The following COL5A2 variants were observed in gnomAD, a reference collection of about 807,000 sequenced individuals.
COL5A2 encodes collagen type V alpha 2 chain.
In COL5A2, 23 loss-of-function variants were observed where a neutral mutation model predicts 208.2. That is an observed-to-expected ratio of 0.11 (90% CI 0.08 to 0.16). The LOEUF (loss-of-function observed/expected upper bound fraction) is 0.16, where lower values mean the gene tolerates loss of function less well. Ranked by LOEUF, COL5A2 falls within the 10% of genes least tolerant of loss-of-function variation. The pLI is 1.00. For missense variants in COL5A2, 1,590 were observed against 1,956.4 expected (o/e 0.81, Z 3.53); for synonymous variants, 625 against 628.5 (o/e 0.99, Z 0.08).
chr2:189,258,657 TG>T, the COL5A2 span, among the ~76,000 whole-genome samples: 3 of 152,322 alleles, frequency 2.0e-5, no homozygotes, highest in African/African-American at 7.2e-5. Context: ...TTTGAGTCTG[TG>T]TGGGAGACTT....
intron 13 of COL5A2, among the ~76,000 whole-genome samples, 194 bp downstream of exon 13, chr2:189,080,796 C>T (rs1004690867): frequency 1.3e-5 from 2 of 152,106 alleles, no homozygotes; most frequent in African/African-American, 4.8e-5. Flanking sequence ...AAATATATTT[C>T]TTTATCAAAT....
rs757107924 is a variant in COL5A2 at position 189,110,377 on chromosome 2, G to T, written c.170C>A (p.Ala57Asp). The T allele has an allele frequency of 6.2e-7, 1 of 1,614,128 alleles. No individual in the cohort carries two copies. The highest frequency in any genetic ancestry group is 8.5e-7 in the Non-Finnish European group (1 of 1,179,990). The change falls in exon 2 of 54, where the codon GCC (alanine) becomes GAC (aspartate). Residue 57 changes from alanine (A) to aspartate (D), a missense_variant. Transcript: ENST00000374866. ...GTCACAGACACAGATCTGACAAGGG[G>T]CAGGTTTCCAAATGTCCCTGTTTAA... is the stretch of plus-strand genomic sequence containing the variant. Reference protein sequence around the residue: ...MYLNRDIWKPAPCQICVCDNG... With the variant: ...MYLNRDIWKPDPCQICVCDNG...
chr2:189,127,625 C>T (rs536719854), intron 1 of COL5A2, among the ~76,000 whole-genome samples: 28 of 151,774 alleles, frequency 1.8e-4, no homozygotes, highest in Non-Finnish European at 3.4e-4. Flanking sequence ...GATAATATAC[C>T]CCCTTCCCAA....
intron 7 of COL5A2, among the ~76,000 whole-genome samples, 158 bp downstream of exon 7, chr2:189,092,152 G>T (rs1686802111): frequency 6.6e-6 from 1 of 152,082 alleles, no homozygotes; most frequent in South Asian, 2.1e-4. Flanking sequence ...ATTCCCTGTG[G>T]GTTTATTAGT....
chr2:189,313,340 T>C, the COL5A2 span, among the ~76,000 whole-genome samples: 5 of 152,022 alleles, frequency 3.3e-5, no homozygotes, highest in Non-Finnish European at 5.9e-5. Flanking sequence ...AGGCCAACAT[T>C]CAAATTTCAT....
intron 16 of COL5A2, 55 bp from the exon 17 acceptor site, chr2:189,075,492 TTC>T (rs1297365158): frequency 5.7e-6 from 8 of 1,406,710 alleles, no homozygotes; most frequent in Non-Finnish European, 8.0e-6. Context: ...AGACTATATT[TTC>T]TCTTATTTGC....
At chr2:189,057,067 C>T in intron 34 of COL5A2, 41 bp from the exon 35 acceptor site, 1 of 1,574,884 alleles carries the variant, frequency 6.3e-7, no homozygotes, top group Non-Finnish European at 8.7e-7. Context: ...ATTTAATTGT[C>T]TCTTTCCCAC....
At chr2:189,097,447 A>G (rs778031376) in intron 5 of COL5A2, 117 bp from the exon 6 acceptor site, 2 of 1,025,260 alleles carry the variant, frequency 2.0e-6, no homozygotes, top group Non-Finnish European at 3.0e-6. Flanking sequence ...AATTCAGTTC[A>G]GTTGAAGACT....
chr2:189,390,297 T>A, the COL5A2 span, among the ~76,000 whole-genome samples: 1 of 152,144 alleles, frequency 6.6e-6, no homozygotes, highest in African/African-American at 2.4e-5. Context: ...CAGCAGAACA[T>A]ACCTACATGG....
At chr2:189,225,050 C>T (rs1227839068) in intron 1 of COL5A2, among the ~76,000 whole-genome samples, 2 of 152,192 alleles carry the variant, frequency 1.3e-5, no homozygotes, top group African/African-American at 4.8e-5. Flanking sequence ...ATAAAACTGG[C>T]AAGGAGTTAA....
At chr2:189,251,118 T>TG in the COL5A2 span, among the ~76,000 whole-genome samples, 8 of 152,036 alleles carry the variant, frequency 5.3e-5, no homozygotes, top group Non-Finnish European at 1.0e-4. Context: ...CTCAAATTGA[T>TG]GGGGGGCATG....
chr2:189,219,234 T>C (rs1158188723), intron 1 of COL5A2, among the ~76,000 whole-genome samples: 1 of 152,208 alleles, frequency 6.6e-6, no homozygotes, highest in African/African-American at 2.4e-5. Context: ...TTGTATTTCT[T>C]ACAATTATTG....
the COL5A2 span, among the ~76,000 whole-genome samples, chr2:189,381,018 A>G: frequency 6.6e-6 from 1 of 152,062 alleles, no homozygotes; most frequent in Non-Finnish European, 1.5e-5. Context: ...ATTTAAATGT[A>G]AAGCCAAAAC....
At position 189,064,997 on chromosome 2, in the gene COL5A2, A is replaced by C; in HGVS notation, c.1617+7T>G. ...CGTAAGTATCAACATTGACAGGGCA[A>C]CCTCACCTTTGGCCCAGGTAAACCA... is the stretch of plus-strand genomic sequence containing the variant. On this transcript the variant is annotated splice_region_variant and intron_variant, in intron 24 of 53. Transcript: ENST00000374866. 1 of 1,613,556 alleles carries C rather than the reference A, an allele frequency of 6.2e-7. No individual in the cohort carries two copies. The highest frequency in any genetic ancestry group is 8.5e-7 in the Non-Finnish European group (1 of 1,179,786).
At chr2:189,327,454 C>G in the COL5A2 span, among the ~76,000 whole-genome samples, 2 of 151,834 alleles carry the variant, frequency 1.3e-5, no homozygotes, top group Non-Finnish European at 2.9e-5. Context: ...AGAAAGGGAA[C>G]AAGAACAGAA....
At chr2:189,291,277 G>A in the COL5A2 span, among the ~76,000 whole-genome samples, 5 of 152,008 alleles carry the variant, frequency 3.3e-5, no homozygotes, top group African/African-American at 1.2e-4. Flanking sequence ...CCACTCAATA[G>A]AGAAGGCTGA....
At chr2:189,115,456 G>T (rs1175579373) in intron 1 of COL5A2, among the ~76,000 whole-genome samples, 1 of 151,180 alleles carries the variant, frequency 6.6e-6, no homozygotes, top group African/African-American at 2.4e-5. Flanking sequence ...CCTTGGACTG[G>T]CCAAGAGAGA....
Position 189,215,128 on chromosome 2 carries a change from G to A in COL5A2, c.-42+10020C>T, listed in dbSNP as rs113825970. On this transcript the variant is annotated intron_variant, in intron 1 of 10. Transcript: ENST00000649966. ...ATTCATTCTCTGTTGAGTATTTCAA[G>A]CTACAGTGGAAACAAATCTATACAT... Among the ~76,000 whole-genome samples, 34 of 152,212 alleles carry A rather than the reference G, an allele frequency of 2.2e-4. 1 individual carries two copies. The highest frequency in any genetic ancestry group is 8.2e-4 in the African/African-American group (34 of 41,538).
At position 189,179,582 on chromosome 2, in the gene COL5A2, G is replaced by A; in HGVS notation, c.23C>T (p.Ala8Val). Reference sequence around the variant, plus strand: ...AACAATAAGAATGAGGAGAGGTCTTGCTTCCGCCCAGTTTGCCATCATGTC... The same window carrying A: ...AACAATAAGAATGAGGAGAGGTCTTACTTCCGCCCAGTTTGCCATCATGTC... The part of the protein sequence containing the change: MMANWAE[A>V]RPLLILIVLL... Residue 8 changes from alanine to valine, a missense_variant, in exon 1 of 54, where the codon GCA becomes GTA. By Grantham distance (64) the Ala-to-Val change is moderately conservative (BLOSUM62 0). Coordinates refer to ENST00000374866, the MANE Select transcript of COL5A2 (RefSeq NM_000393.5). 6.2e-7 allele frequency: 1 copy of A among 1,608,438 alleles called. No homozygotes were observed. The highest frequency in any genetic ancestry group is 1.1e-5 in the South Asian group (1 of 90,096).
Sources: allele counts gnomAD v4.1 joint callset (sites outside exome capture counted in the v4.1 genomes callset), GRCh38; gene constraint gnomAD v4.1.1; transcripts MANE v1.5; gene names NCBI Gene and HGNC (gene_info 2026-07-23, HGNC 2026-07-21).